ARG1: variants seen among roughly 807,000 people sequenced by gnomAD.
ARG1 encodes arginase-1.
ARG1 carries 20 observed loss-of-function variants against 33.0 expected under a neutral mutation model. The ratio of observed to expected loss-of-function variants is 0.61; its 90% confidence interval spans 0.43 to 0.88. The LOEUF (loss-of-function observed/expected upper bound fraction) is 0.88, where lower values mean the gene tolerates loss of function less well. ARG1 is among the 40% of genes least tolerant of loss of function. The probability of loss-of-function intolerance (pLI) is 0.00; values close to 1 mark genes in which losing one functional copy is unlikely to be tolerated. For synonymous variants in ARG1, 146 were observed against 140.6 expected, an observed-to-expected ratio of 1.04 and a Z score of -0.27; for missense variants, 374 against 384.7, an observed-to-expected ratio of 0.97 and a Z score of 0.23.
At chr6:131,575,269 A>G (rs1279853910) in intron 1 of ARG1, among the ~76,000 whole-genome samples, 3 of 152,168 alleles carry the variant, frequency 2.0e-5, no homozygotes, top group South Asian at 2.1e-4. Context: ...AGTATCTACT[A>G]TATGTCAGCT....
intron 1 of ARG1, among the ~76,000 whole-genome samples, chr6:131,574,608 G>A (rs1375296180): frequency 6.6e-6 from 1 of 152,174 alleles, no homozygotes. Flanking sequence ...CTAAGAGAGA[G>A]AGATTTTTTA....
Position 131,581,309 on chromosome 6 carries a change from A to G in ARG1, c.396A>G (p.Pro132=). ...ATGCTCACACTGATATCAACACTCC[A>G]CTGACAACCACAAGTGGAAACTTGC... ...WVDAHTDINT[P]LTTTSGNLHG... The change falls in exon 4 of 8, where the codon CCA becomes CCG. Residue 132 remains proline, a synonymous_variant. Transcript: ENST00000368087. The G allele has an allele frequency of 6.2e-7, 1 of 1,613,960 alleles. No homozygotes were observed. Among genetic ancestry groups the G allele is most frequent in the Non-Finnish European group, 8.5e-7 (1 of 1,179,896 alleles).
chr6:131,574,640 G>A lies in ARG1; in HGVS notation c.57+1301G>A, dbSNP rs76803965. The stretch of plus-strand genomic sequence containing the variant: ...TTTACACTAAGTCATAGAGTAGAGA[G>A]GATAAAATGGCCAACATATAAGTAT... On this transcript the variant is annotated intron_variant, in intron 1 of 7. Transcript: ENST00000368087. Among the ~76,000 whole-genome samples, 508 of 152,188 alleles carry A rather than the reference G, an allele frequency of 3.3e-3. 4 individuals are homozygous for A. The highest frequency in any genetic ancestry group is 0.012 in the African/African-American group (489 of 41,494).
chr6:131,579,948 T>G (rs1207662796), intron 3 of ARG1, among the ~76,000 whole-genome samples: 4 of 152,156 alleles, frequency 2.6e-5, no homozygotes, highest in Admixed American at 6.5e-5. Flanking sequence ...TGCATAAGCA[T>G]CATAAGCATC....
chr6:131,580,022 G>A (rs747936040), intron 3 of ARG1, among the ~76,000 whole-genome samples: 2 of 152,004 alleles, frequency 1.3e-5, no homozygotes, highest in Admixed American at 6.6e-5. Context: ...TACATATTGC[G>A]GCATATTCAG....
chr6:131,576,605 C>T (rs1773623612), intron 1 of ARG1, 58 bp from the exon 2 acceptor site: 4 of 1,483,044 alleles, frequency 2.7e-6, no homozygotes, highest in Admixed American at 1.7e-5. Flanking sequence ...AGGGTTCCTG[C>T]TGTGAGCATC....
At chr6:131,575,119 CAAAT>C (rs1773551977) in intron 1 of ARG1, among the ~76,000 whole-genome samples, 1 of 151,958 alleles carries the variant, frequency 6.6e-6, no homozygotes, top group African/African-American at 2.4e-5. Flanking sequence ...TTGAATAAAA[CAAAT>C]AAAAAAGAAT....
chr6:131,583,673 AGTCT>A, intron 7 of ARG1, 65 bp from the exon 8 acceptor site: 1 of 1,563,612 alleles, frequency 6.4e-7, no homozygotes, highest in South Asian at 1.1e-5. Flanking sequence ...TAATCTTTCA[AGTCT>A]GTCTGTACTA....
intron 3 of ARG1, among the ~76,000 whole-genome samples, chr6:131,580,039 T>TTA (rs1773841514): frequency 1.3e-5 from 2 of 152,196 alleles, no homozygotes; most frequent in Non-Finnish European, 2.9e-5. Context: ...TCAGGTTGCA[T>TTA]TATAATTTTC....
At chr6:131,579,764 T>A (rs1773820659) in intron 3 of ARG1, 1 of 159,298 alleles carries the variant, frequency 6.3e-6, no homozygotes, top group South Asian at 1.8e-4. Context: ...TCAACCAGAA[T>A]TGAAAATCTG....
chr6:131,576,653 A>C lies in ARG1; in HGVS notation c.58-10A>C. On this transcript the variant is annotated splice_polypyrimidine_tract_variant and intron_variant, in intron 1 of 7. Coordinates refer to ENST00000368087, the MANE Select transcript of ARG1 (RefSeq NM_000045.4). Reference sequence around the variant, plus strand: ...TAATGTCTGAAGTACTTTATTTTTTAATTGTTCAGCCACGAGGAGGGGTGG... The same window carrying C: ...TAATGTCTGAAGTACTTTATTTTTTCATTGTTCAGCCACGAGGAGGGGTGG... 6.2e-7 allele frequency: 1 copy of C among 1,612,734 alleles called. No individual in the cohort carries two copies. The highest frequency in any genetic ancestry group is 1.3e-5 in the African/African-American group (1 of 75,016).
Position 131,581,234 on chromosome 6 carries a change from CATCTCTGGCCATGCCAGGGTCCACCCTG to C in ARG1, c.326_353del (p.Ser109LeufsTer16). On this transcript the variant is annotated frameshift_variant, in exon 4 of 8. Coordinates refer to ENST00000368087, the MANE Select transcript of ARG1 (RefSeq NM_000045.4). LOFTEE classifies it high-confidence loss of function. The stretch of plus-strand genomic sequence containing the variant: ...TCCCCAAAAGTTTGGCAATTGGAAG[CATCTCTGGCCATGCCAGGGTCCACCCTG>C]ATCTTGGAGTCATCTGGGTGGATGC... 1.2e-6 allele frequency: 2 copies of C among 1,613,862 alleles called. No individual in the cohort carries two copies. Among genetic ancestry groups the C allele is most frequent in the Non-Finnish European group, 1.7e-6 (2 of 1,179,780 alleles).
intron 1 of ARG1, among the ~76,000 whole-genome samples, chr6:131,574,473 C>A (rs527680991): frequency 6.6e-6 from 1 of 152,158 alleles, no homozygotes; most frequent in African/African-American, 2.4e-5. Flanking sequence ...CACTCTTGAA[C>A]AGGTTATAAT....
intron 2 of ARG1, among the ~76,000 whole-genome samples, chr6:131,577,649 C>T (rs1773685620): frequency 6.6e-6 from 1 of 151,842 alleles, no homozygotes; most frequent in Non-Finnish European, 1.5e-5. Context: ...GGCCTGTAAT[C>T]CTATCACTTT....
intron 3 of ARG1, among the ~76,000 whole-genome samples, chr6:131,580,904 T>G (rs1773885690): frequency 6.6e-6 from 1 of 152,222 alleles, no homozygotes; most frequent in Non-Finnish European, 1.5e-5. Flanking sequence ...ATTTCTTGTG[T>G]GGCTAGTATT....
chr6:131,582,682 A>G lies in ARG1; in HGVS notation c.527A>G (p.Tyr176Cys), dbSNP rs1773991045. 1.9e-6 allele frequency: 3 copies of G among 1,613,856 alleles called. No individual in the cohort carries two copies. The East Asian group carries it at 6.7e-5, about 36-fold the overall frequency. The change falls in exon 5 of 8, where the codon TAT (tyrosine) becomes TGT (cysteine). Residue 176 changes from tyrosine to cysteine, a missense_variant. Tyr to Cys is a radical substitution (Grantham distance 194). Coordinates refer to ENST00000368087, the MANE Select transcript of ARG1 (RefSeq NM_000045.4). Reference sequence around the variant, plus strand: ...TGTATATCTGCCAAGGATATTGTGTATATTGGCTTGAGAGACGTGGACCCT... The same window carrying G: ...TGTATATCTGCCAAGGATATTGTGTGTATTGGCTTGAGAGACGTGGACCCT... ...TPCISAKDIV[Y>C]IGLRDVDPGE... is the part of the protein sequence containing the mutation.
At position 131,579,250 on chromosome 6, in the gene ARG1, C is replaced by CG. The variant is rs796051923; in HGVS notation, c.272dup (p.Arg92LysfsTer26). The CG allele has an allele frequency of 8.1e-6, 13 of 1,613,808 alleles. No homozygotes were observed. In the African/African-American group the frequency reaches 1.7e-4, roughly 22 times the overall value. ...GCAAGGTGGCAGAAGTCAAGAAGAA[C>CG]GGAAGAATCAGCCTGGTGCTGGGCG... On this transcript the variant is annotated frameshift_variant, in exon 3 of 8. Transcript: ENST00000368087. LOFTEE classifies it high-confidence loss of function.
chr6:131,576,174 T>G (rs1272068286), intron 1 of ARG1, among the ~76,000 whole-genome samples: 2 of 152,236 alleles, frequency 1.3e-5, no homozygotes, highest in African/African-American at 4.8e-5. Context: ...CATCCTGTTT[T>G]TGTTACTAGG....
At chr6:131,579,310 G>A (rs758094530) in intron 3 of ARG1, 25 bp downstream of exon 3, 17 of 1,612,456 alleles carry the variant, frequency 1.1e-5, no homozygotes, top group Middle Eastern at 3.3e-4. Flanking sequence ...CTGTGTCTAT[G>A]GGAATCTGGC....
Sources: allele counts gnomAD v4.1 joint callset (sites outside exome capture counted in the v4.1 genomes callset), GRCh38; gene constraint gnomAD v4.1.1; transcripts MANE v1.5; gene names NCBI Gene and HGNC (gene_info 2026-07-23, HGNC 2026-07-21).